The following ZNF385D variants were observed in gnomAD, a reference collection of about 807,000 sequenced individuals.
ZNF385D encodes zinc finger protein 385D, also known as zinc finger protein 659.
Under a neutral mutation model 35.8 loss-of-function variants are expected in ZNF385D, and 15 were observed. The observed-to-expected ratio is 0.42, with a 90% CI of 0.28 to 0.64. The LOEUF (loss-of-function observed/expected upper bound fraction) is 0.64. ZNF385D is among the 30% of genes least tolerant of loss of function. ZNF385D has a pLI of 0.23. For missense variants in ZNF385D, 474 were observed against 494.6 expected, an observed-to-expected ratio of 0.96 and a Z score of 0.39; for synonymous variants, 212 against 186.8, an observed-to-expected ratio of 1.13 and a Z score of -1.10.
intron 2 of ZNF385D, among the ~76,000 whole-genome samples, chr3:22,219,249 G>C (rs935245191): frequency 1.3e-5 from 2 of 152,030 alleles, no homozygotes; most frequent in Admixed American, 6.6e-5. Context: ...TCCTAGATGT[G>C]TCTCTGATAT....
intron 2 of ZNF385D, among the ~76,000 whole-genome samples, chr3:22,368,168 A>G (rs1266655370): frequency 6.6e-6 from 1 of 152,234 alleles, no homozygotes; most frequent in Non-Finnish European, 1.5e-5. Flanking sequence ...TTAGGATGAC[A>G]TTATAGGTAA....
chr3:22,203,144 G>A (rs186588238), intron 2 of ZNF385D, among the ~76,000 whole-genome samples: 1 of 152,144 alleles, frequency 6.6e-6, no homozygotes, highest in Non-Finnish European at 1.5e-5. Context: ...CCCTCCACTT[G>A]AGGAGAAGAG....
At chr3:22,327,733 G>A (rs530961108) in intron 2 of ZNF385D, among the ~76,000 whole-genome samples, 1 of 152,252 alleles carries the variant, frequency 6.6e-6, no homozygotes, top group East Asian at 1.9e-4. Flanking sequence ...GTATTTAAAC[G>A]GAGCTCTAGG....
intron 3 of ZNF385D, among the ~76,000 whole-genome samples, chr3:21,986,508 T>A (rs1445182792): frequency 7.5e-6 from 1 of 133,674 alleles, no homozygotes; most frequent in Non-Finnish European, 1.5e-5. Flanking sequence ...TGAGTTCTAG[T>A]TTGATTGCAC....
chr3:22,300,869 C>T (rs1333312597), intron 2 of ZNF385D, among the ~76,000 whole-genome samples: 1 of 151,962 alleles, frequency 6.6e-6, no homozygotes, highest in Non-Finnish European at 1.5e-5. Context: ...TTATGAAAAA[C>T]AGTATGGAGT....
intron 2 of ZNF385D, among the ~76,000 whole-genome samples, chr3:22,296,814 G>T (rs1388440948): frequency 6.6e-6 from 1 of 152,140 alleles, no homozygotes; most frequent in African/African-American, 2.4e-5. Flanking sequence ...GGCTTCTCTG[G>T]AGAGCAAAAG....
intron 3 of ZNF385D, among the ~76,000 whole-genome samples, chr3:21,549,573 A>G (rs1385392892): frequency 6.6e-6 from 1 of 152,190 alleles, no homozygotes; most frequent in Non-Finnish European, 1.5e-5. Flanking sequence ...GTGACAACCT[A>G]TAGGCCATCA....
At chr3:21,894,464 T>C (rs910398145) in intron 3 of ZNF385D, among the ~76,000 whole-genome samples, 1 of 151,730 alleles carries the variant, frequency 6.6e-6, no homozygotes, top group Non-Finnish European at 1.5e-5. Context: ...GATTTGCTCT[T>C]TCCTTTCTTT....
At chr3:22,327,248 G>A (rs1440869457) in intron 2 of ZNF385D, among the ~76,000 whole-genome samples, 2 of 152,072 alleles carry the variant, frequency 1.3e-5, no homozygotes, top group Non-Finnish European at 2.9e-5. Flanking sequence ...AACCTTACAA[G>A]TTGGATTCTG....
intron 2 of ZNF385D, among the ~76,000 whole-genome samples, chr3:22,172,595 C>A (rs1018352507): frequency 1.3e-5 from 2 of 152,156 alleles, no homozygotes; most frequent in Non-Finnish European, 2.9e-5. Context: ...CCACCCCTGG[C>A]ATGGGTCTCT....
At chr3:22,339,890 T>C (rs1054394276) in intron 2 of ZNF385D, among the ~76,000 whole-genome samples, 2 of 152,180 alleles carry the variant, frequency 1.3e-5, no homozygotes, top group African/African-American at 4.8e-5. Context: ...GGTCCTCTGA[T>C]CCTACTCAGT....
chr3:21,961,943 C>G (rs1702620273), intron 3 of ZNF385D, among the ~76,000 whole-genome samples: 1 of 151,988 alleles, frequency 6.6e-6, no homozygotes. Context: ...AAAGTCACCG[C>G]AAAAAGAAGT....
chr3:21,447,300 A>C (rs1456066104), intron 4 of ZNF385D, among the ~76,000 whole-genome samples: 1 of 152,220 alleles, frequency 6.6e-6, no homozygotes, highest in Non-Finnish European at 1.5e-5. Flanking sequence ...CTAGATTAGG[A>C]AACTGCCTTT....
At chr3:22,353,589 C>A (rs1437914921) in intron 2 of ZNF385D, among the ~76,000 whole-genome samples, 1 of 152,144 alleles carries the variant, frequency 6.6e-6, no homozygotes, top group African/African-American at 2.4e-5. Flanking sequence ...ACTATCCCCC[C>A]TTCCTTGTTG....
intron 3 of ZNF385D, among the ~76,000 whole-genome samples, chr3:21,556,182 C>CT (rs2062737113): frequency 6.7e-6 from 1 of 148,164 alleles, no homozygotes; most frequent in Non-Finnish European, 1.5e-5. Flanking sequence ...TGCCTGTTCA[C>CT]TCTGATGATA....
chr3:21,817,289 C>T (rs1367931057), intron 3 of ZNF385D, among the ~76,000 whole-genome samples: 1 of 152,182 alleles, frequency 6.6e-6, no homozygotes, highest in Admixed American at 6.5e-5. Flanking sequence ...GACTTCATGA[C>T]TATAACACCA....
chr3:21,833,262 G>A (rs1443038520), intron 3 of ZNF385D, among the ~76,000 whole-genome samples: 1 of 152,076 alleles, frequency 6.6e-6, no homozygotes, highest in Admixed American at 6.6e-5. Flanking sequence ...GTATACATCA[G>A]AGTCTCTGAA....
chr3:21,880,638 G>A (rs1036129552), intron 3 of ZNF385D, among the ~76,000 whole-genome samples: 1 of 151,896 alleles, frequency 6.6e-6, no homozygotes, highest in African/African-American at 2.4e-5. Context: ...TGGCCTCTAA[G>A]TGTTCAAATG....
intron 3 of ZNF385D, among the ~76,000 whole-genome samples, chr3:22,150,628 C>T (rs1159870573): frequency 1.3e-5 from 2 of 152,064 alleles, no homozygotes; most frequent in Non-Finnish European, 2.9e-5. Context: ...CTCAATTAGT[C>T]CACTAACGTT....
Sources: gnomAD v4.1 joint callset for allele counts (sites outside exome capture counted in the v4.1 genomes callset) on GRCh38, gnomAD v4.1.1 for gene constraint, MANE v1.5 for transcripts, NCBI Gene and HGNC (gene_info 2026-07-23, HGNC 2026-07-21) for gene names.